PLCB1: variants seen among roughly 807,000 people sequenced by gnomAD.
PLCB1 encodes 1-phosphatidylinositol 4,5-bisphosphate phosphodiesterase beta-1.
PLCB1 carries 46 observed loss-of-function variants against 161.8 expected under a neutral mutation model. The observed-to-expected ratio is 0.28, with a 90% CI of 0.22 to 0.36. The LOEUF (loss-of-function observed/expected upper bound fraction) is 0.36. Among genes scored for constraint, PLCB1 ranks in the 10% least tolerant of loss-of-function variants. PLCB1 has a pLI of 1.00. For missense variants in PLCB1, 1,016 were observed against 1,472.5 expected, an observed-to-expected ratio of 0.69 and a Z score of 5.07; for synonymous variants, 517 against 503.7, an observed-to-expected ratio of 1.03 and a Z score of -0.35.
At chr20:8,216,567 T>G (rs1979140589) in intron 2 of PLCB1, among the ~76,000 whole-genome samples, 1 of 151,966 alleles carries the variant, frequency 6.6e-6, no homozygotes, top group Admixed American at 6.6e-5. Context: ...AGATAGAAAG[T>G]GGGTATGGTT....
At position 8,741,504 on chromosome 20, in the gene PLCB1, C is replaced by T. The variant is rs759194598; in HGVS notation, c.2454C>T (p.Asn818=). 1 of 1,613,684 alleles carries T rather than the reference C, an allele frequency of 6.2e-7. No individual in the cohort carries two copies. The highest frequency in any genetic ancestry group is 1.1e-5 in the South Asian group (1 of 91,062). The change falls in exon 23 of 32, where the codon AAC becomes AAT. Residue 818 remains asparagine (N), a synonymous_variant. Transcript: ENST00000338037. ...TATCAAACCCAATCCGATATGTGAA[C>T]CTGATGGAACAGAGAGCTAAGCAAT... ...EALSNPIRYV[N]LMEQRAKQLA...
chr20:8,681,884 C>G (rs1174205915), intron 9 of PLCB1, among the ~76,000 whole-genome samples: 1 of 152,054 alleles, frequency 6.6e-6, no homozygotes, highest in Non-Finnish European at 1.5e-5. Flanking sequence ...TATTTTGAAT[C>G]CCAATAATCA....
intron 2 of PLCB1, among the ~76,000 whole-genome samples, chr20:8,287,430 A>G (rs1983171800): frequency 6.6e-6 from 1 of 152,128 alleles, no homozygotes; most frequent in Admixed American, 6.5e-5. Flanking sequence ...TGCCACCCCC[A>G]ATACCTCATC....
Position 8,257,966 on chromosome 20 carries a change from G to A in PLCB1, c.177+107595G>A, listed in dbSNP as rs192769623. Among the ~76,000 whole-genome samples the A allele has an allele frequency of 4.8e-4, 73 of 152,176 alleles. 1 individual carries two copies. Among genetic ancestry groups the A allele is most frequent in the African/African-American group, 1.6e-3 (68 of 41,542 alleles). ...GTCATTCAGAATGTCCATGAGACTC[G>A]TTTATTTTTAAGGTGATTTCTAATA... On this transcript the variant is annotated intron_variant, in intron 2 of 31. Coordinates refer to ENST00000338037, the MANE Select transcript of PLCB1 (RefSeq NM_015192.4).
At chr20:8,807,124 A>T (rs760083819) in intron 31 of PLCB1, among the ~76,000 whole-genome samples, 16 of 152,132 alleles carry the variant, frequency 1.1e-4, no homozygotes, top group South Asian at 4.1e-4. Context: ...CCTTTTTATG[A>T]TCTCTTTTGA....
Position 8,141,559 on chromosome 20 carries a change from A to G in PLCB1, c.100-8735A>G, listed in dbSNP as rs1289647872. Among the ~76,000 whole-genome samples, 5 of 150,302 alleles carry G rather than the reference A, an allele frequency of 3.3e-5. No individual in the cohort carries two copies. The Admixed American group carries it at 3.3e-4, about 10-fold the overall frequency. On this transcript the variant is annotated intron_variant, in intron 1 of 31. Transcript: ENST00000338037. The stretch of plus-strand genomic sequence containing the variant: ...AATCACTTAAACCCAGGAGGCAGGC[A>G]GAGGTTTCAGTGAGCCAAGATCGCG...
At chr20:8,192,385 A>G (rs1351937609) in intron 2 of PLCB1, among the ~76,000 whole-genome samples, 1 of 152,048 alleles carries the variant, frequency 6.6e-6, no homozygotes, top group Non-Finnish European at 1.5e-5. Flanking sequence ...AGGTGGGACT[A>G]AGATGAACAC....
chr20:8,518,632 T>G (rs912813000), intron 3 of PLCB1, among the ~76,000 whole-genome samples: 1 of 152,158 alleles, frequency 6.6e-6, no homozygotes, highest in Admixed American at 6.5e-5. Context: ...CCCAGCATTT[T>G]TGGCACCAGA....
chr20:8,609,233 A>G (rs1987837791), intron 3 of PLCB1, among the ~76,000 whole-genome samples: 1 of 152,216 alleles, frequency 6.6e-6, no homozygotes, highest in Admixed American at 6.5e-5. Flanking sequence ...TCAATGGCAG[A>G]AGCTGCAATT....
intron 27 of PLCB1, among the ~76,000 whole-genome samples, chr20:8,778,213 T>C (rs1187427675): frequency 6.6e-6 from 1 of 151,964 alleles, no homozygotes; most frequent in Non-Finnish European, 1.5e-5. Context: ...TCACGGGAGA[T>C]TCCTGAAAGA....
intron 3 of PLCB1, among the ~76,000 whole-genome samples, chr20:8,492,268 C>G (rs1982978887): frequency 6.6e-6 from 1 of 151,752 alleles, no homozygotes; most frequent in Admixed American, 6.6e-5. Flanking sequence ...ACTATTTAGG[C>G]TTTTGAAAAT....
intron 2 of PLCB1, among the ~76,000 whole-genome samples, chr20:8,221,092 A>C (rs1389008476): frequency 6.6e-6 from 1 of 152,148 alleles, no homozygotes; most frequent in Non-Finnish European, 1.5e-5. Flanking sequence ...GGTTAAATGA[A>C]ATATTATATG....
At chr20:8,606,972 G>T (rs1301609862) in intron 3 of PLCB1, among the ~76,000 whole-genome samples, 1 of 152,158 alleles carries the variant, frequency 6.6e-6, no homozygotes, top group African/African-American at 2.4e-5. Flanking sequence ...TAAGGGAGTT[G>T]CTCTAACAGT....
At chr20:8,232,094 C>G (rs979906238) in intron 2 of PLCB1, among the ~76,000 whole-genome samples, 1 of 152,044 alleles carries the variant, frequency 6.6e-6, no homozygotes, top group African/African-American at 2.4e-5. Flanking sequence ...GTAGTCCCTG[C>G]TATTCAGGAG....
intron 3 of PLCB1, among the ~76,000 whole-genome samples, chr20:8,563,364 A>G (rs988205664): frequency 3.3e-5 from 5 of 152,064 alleles, no homozygotes; most frequent in Non-Finnish European, 5.9e-5. Context: ...CTGTCCTTAG[A>G]TACAGCAGGA....
At chr20:8,681,086 G>GTGTATATATATATA (rs1394518085) in intron 9 of PLCB1, among the ~76,000 whole-genome samples, 10 of 73,828 alleles carry the variant, frequency 1.4e-4, no homozygotes, top group African/African-American at 3.8e-4. Context: ...ATGTGTGTGT[G>GTGTATATATATATA]TATATATATA....
chr20:8,814,417 A>G (rs1984981428), intron 31 of PLCB1, among the ~76,000 whole-genome samples: 1 of 152,202 alleles, frequency 6.6e-6, no homozygotes, highest in Non-Finnish European at 1.5e-5. Context: ...CTCACTTATC[A>G]AAGAGTAGAG....
intron 31 of PLCB1, among the ~76,000 whole-genome samples, chr20:8,869,565 C>T (rs1011383246): frequency 6.6e-6 from 1 of 152,182 alleles, no homozygotes; most frequent in East Asian, 1.9e-4. Context: ...GTAAACAACT[C>T]ATTTCATGTC....
intron 3 of PLCB1, among the ~76,000 whole-genome samples, chr20:8,476,604 C>T (rs1408852957): frequency 6.6e-6 from 1 of 152,084 alleles, no homozygotes; most frequent in African/African-American, 2.4e-5. Context: ...TTCATTAGAG[C>T]CTTCTCCAAT....
Sources: gnomAD v4.1 joint callset for allele counts (sites outside exome capture counted in the v4.1 genomes callset) on GRCh38, gnomAD v4.1.1 for gene constraint, MANE v1.5 for transcripts, NCBI Gene and HGNC (gene_info 2026-07-23, HGNC 2026-07-21) for gene names.